TRABD2B: variants seen among roughly 807,000 people sequenced by gnomAD.
The protein encoded by TRABD2B is TraB domain containing 2B.
A neutral mutation model predicts 40.1 loss-of-function variants in TRABD2B; 14 were observed. The ratio of observed to expected loss-of-function variants is 0.35; its 90% CI spans 0.23 to 0.55. TRABD2B has a LOEUF of 0.55. Ranked by LOEUF, TRABD2B falls within the 20% of genes least tolerant of loss-of-function variation. TRABD2B has a pLI of 0.90. For missense variants in TRABD2B, 541 were observed against 648.6 expected, an observed-to-expected ratio of 0.83 and a Z score of 1.80; for synonymous variants, 263 against 277.0, an observed-to-expected ratio of 0.95 and a Z score of 0.50.
intron 2 of TRABD2B, among the ~76,000 whole-genome samples, chr1:47,987,016 G>A (rs1287185610): frequency 6.6e-6 from 1 of 152,180 alleles, no homozygotes; most frequent in Non-Finnish European, 1.5e-5. Context: ...GGCAGGCTGT[G>A]GCGCTCACGC....
chr1:47,985,455 G>T (rs892834809), intron 2 of TRABD2B, among the ~76,000 whole-genome samples: 4 of 152,220 alleles, frequency 2.6e-5, no homozygotes, highest in African/African-American at 7.2e-5. Context: ...TGGTGGTCAG[G>T]TGCTGTTTGG....
chr1:47,952,209 C>A (rs1030588858), intron 2 of TRABD2B, among the ~76,000 whole-genome samples: 1 of 152,206 alleles, frequency 6.6e-6, no homozygotes, highest in Non-Finnish European at 1.5e-5. Flanking sequence ...TCCCATCCTG[C>A]CCCTGGTTCT....
intron 2 of TRABD2B, among the ~76,000 whole-genome samples, chr1:47,968,701 G>C (rs577147982): frequency 1.8e-4 from 27 of 152,242 alleles, no homozygotes; most frequent in Admixed American, 1.6e-3. Flanking sequence ...CTCTGGGGTG[G>C]GCGTGGCACT....
At chr1:47,981,138 C>T (rs1349240838) in intron 2 of TRABD2B, among the ~76,000 whole-genome samples, 2 of 152,108 alleles carry the variant, frequency 1.3e-5, no homozygotes, top group African/African-American at 4.8e-5. Flanking sequence ...CTCAGCCTCC[C>T]AAGTAGCTGA....
chr1:47,945,200 AG>A (rs2148370407), intron 2 of TRABD2B, among the ~76,000 whole-genome samples: 1 of 152,324 alleles, frequency 6.6e-6, no homozygotes, highest in East Asian at 1.9e-4. Context: ...GTGAAAGGGC[AG>A]GAAGGCAGGG....
intron 2 of TRABD2B, among the ~76,000 whole-genome samples, chr1:47,921,656 G>A (rs1644903025): frequency 6.6e-6 from 1 of 152,338 alleles, no homozygotes; most frequent in East Asian, 1.9e-4. Flanking sequence ...AAAGCCAACT[G>A]TCTCTAAAAC....
chr1:47,989,513 A>G (rs1425215553), intron 2 of TRABD2B, among the ~76,000 whole-genome samples: 6 of 152,176 alleles, frequency 3.9e-5, no homozygotes, highest in Non-Finnish European at 8.8e-5. Flanking sequence ...ATCTTTATTC[A>G]ACTGTGCAGG....
chr1:47,846,896 A>ACACACAC (rs1557610238), intron 2 of TRABD2B, among the ~76,000 whole-genome samples: 3 of 148,356 alleles, frequency 2.0e-5, no homozygotes, highest in African/African-American at 7.5e-5. Flanking sequence ...ACACACACAC[A>ACACACAC]AATGAGGGCT....
At position 47,868,936 on chromosome 1, in the gene TRABD2B, C is replaced by T. The variant is rs532661956; in HGVS notation, c.667-67317G>A. On this transcript the variant is annotated intron_variant, in intron 2 of 6. Transcript: ENST00000606738. The stretch of plus-strand genomic sequence containing the variant: ...GTAAACTGGAGACTCTTCATCCCAA[C>T]AGTCCCTTCTTGGGTCCTCACTCTG... Among the ~76,000 whole-genome samples, 4 of 152,344 alleles carry T rather than the reference C, an allele frequency of 2.6e-5. No individual in the cohort carries two copies. The East Asian group carries it at 7.7e-4, about 29-fold the overall frequency.
At position 47,760,916 on chromosome 1, in the gene TRABD2B, C is replaced by T. The variant is rs1644237409; in HGVS notation, c.*4986G>A. 1 of 152,204 alleles carries T rather than the reference C, an allele frequency of 6.6e-6. No homozygotes were observed. The highest frequency in any genetic ancestry group is 2.4e-5 in the African/African-American group (1 of 41,444). 9.4% of individuals were successfully genotyped at this position (152,204 alleles called of 1,614,324 possible). A position where few individuals can be genotyped will look rare whatever the true frequency, so the allele number is the denominator to read the frequency against. ...ACCGGAAACATCTTAGACTTGGATC[C>T]CGTTCAAAGCCCACTTTCCCCACAG... is the stretch of plus-strand genomic sequence containing the variant. On this transcript the variant is annotated 3_prime_UTR_variant, in exon 7 of 7. Coordinates refer to ENST00000606738, the MANE Select transcript of TRABD2B (RefSeq NM_001194986.2).
At chr1:47,878,274 C>T (rs138200630) in intron 2 of TRABD2B, among the ~76,000 whole-genome samples, 1 of 152,196 alleles carries the variant, frequency 6.6e-6, no homozygotes, top group African/African-American at 2.4e-5. Context: ...CGAGGTCACA[C>T]CACTGCACTC....
chr1:47,817,426 AC>A (rs961192218), intron 2 of TRABD2B, among the ~76,000 whole-genome samples: 12 of 151,094 alleles, frequency 7.9e-5, no homozygotes, highest in African/African-American at 2.9e-4. Flanking sequence ...CAGCTGTGGA[AC>A]CTCCCTTTTC....
intron 2 of TRABD2B, among the ~76,000 whole-genome samples, chr1:47,969,735 A>C (rs1478298206): frequency 6.6e-6 from 1 of 152,236 alleles, no homozygotes; most frequent in African/African-American, 2.4e-5. Context: ...GAAAGGCCAA[A>C]TAGAATCAGA....
chr1:47,780,927 G>A (rs1187972099), intron 4 of TRABD2B, among the ~76,000 whole-genome samples: 1 of 152,252 alleles, frequency 6.6e-6, no homozygotes, highest in African/African-American at 2.4e-5. Flanking sequence ...CCTGCCACCA[G>A]CCTCAGTTTT....
chr1:47,929,171 T>C (rs1016905984), intron 2 of TRABD2B, among the ~76,000 whole-genome samples: 2 of 152,338 alleles, frequency 1.3e-5, no homozygotes, highest in African/African-American at 4.8e-5. Context: ...GGGACTAGGA[T>C]GAGGCAAGCA....
intron 3 of TRABD2B, chr1:47,795,722 A>G (rs1250991198): frequency 1.0e-6 from 1 of 985,156 alleles, no homozygotes; most frequent in Non-Finnish European, 1.2e-6. Flanking sequence ...TGATTTTCCC[A>G]ATGCCTGAGC....
At chr1:47,983,244 A>G (rs963471625) in intron 2 of TRABD2B, among the ~76,000 whole-genome samples, 2 of 152,162 alleles carry the variant, frequency 1.3e-5, no homozygotes, top group African/African-American at 2.4e-5. Context: ...AAAACCAAAT[A>G]CTGCATGTTC....
intron 2 of TRABD2B, among the ~76,000 whole-genome samples, chr1:47,911,372 T>A (rs1644760691): frequency 1.3e-5 from 2 of 152,176 alleles, no homozygotes; most frequent in Non-Finnish European, 2.9e-5. Flanking sequence ...TGGTGCAAGT[T>A]ACAACCTTTT....
At chr1:47,796,748 T>C (rs1277268005) in intron 3 of TRABD2B, among the ~76,000 whole-genome samples, 1 of 152,198 alleles carries the variant, frequency 6.6e-6, no homozygotes, top group Non-Finnish European at 1.5e-5. Flanking sequence ...GTGTTGCTAG[T>C]GCCCAATCAG....
Sources: gnomAD v4.1 joint callset for allele counts (sites outside exome capture counted in the v4.1 genomes callset) on GRCh38, gnomAD v4.1.1 for gene constraint, MANE v1.5 for transcripts, NCBI Gene and HGNC (gene_info 2026-07-23, HGNC 2026-07-21) for gene names.